Variants in MGAT4C observed in about 807,000 individuals in gnomAD.
MGAT4C encodes MGAT4 family member C.
A neutral mutation model predicts 40.1 loss-of-function variants in MGAT4C; 19 were observed. The observed-to-expected ratio is 0.47, with a 90% CI of 0.33 to 0.70. The LOEUF (loss-of-function observed/expected upper bound fraction) is 0.70, where lower values mean the gene tolerates loss of function less well. Among genes scored for constraint, MGAT4C ranks in the 30% least tolerant of loss-of-function variants. The pLI is 0.02. For missense variants in MGAT4C, 491 were observed against 563.2 expected, an observed-to-expected ratio of 0.87 and a Z score of 1.30; for synonymous variants, 181 against 187.1, an observed-to-expected ratio of 0.97 and a Z score of 0.27.
chr12:86,265,654 A>T (rs1952766761), intron 4 of MGAT4C, among the ~76,000 whole-genome samples: 1 of 152,066 alleles, frequency 6.6e-6, no homozygotes, highest in Non-Finnish European at 1.5e-5. Context: ...TTTTGGTTTC[A>T]TATACATTTT....
At position 86,775,436 on chromosome 12, in the gene MGAT4C, ATACT is replaced by A; in HGVS notation, c.-261-48199_-261-48196del. Among the ~76,000 whole-genome samples the A allele has an allele frequency of 1.3e-5, 2 of 150,696 alleles. 1 individual carries two copies. ...AAAATATTTATAAATAAATACATAT[ATACT>A]TATTTAATTATTTAAAAATTATGCT... On this transcript the variant is annotated intron_variant, in intron 1 of 7. Coordinates refer to the MGAT4C transcript ENST00000548651.
intron 3 of MGAT4C, among the ~76,000 whole-genome samples, chr12:86,404,496 G>A (rs889874930): frequency 4.6e-5 from 7 of 152,218 alleles, no homozygotes; most frequent in Non-Finnish European, 8.8e-5. Flanking sequence ...AAGAGGGAGG[G>A]AGAGGGAGAC....
At chr12:86,512,780 G>T (rs1958614349) in intron 2 of MGAT4C, among the ~76,000 whole-genome samples, 1 of 152,030 alleles carries the variant, frequency 6.6e-6, no homozygotes, top group African/African-American at 2.4e-5. Flanking sequence ...ATAAGAGGGA[G>T]AGGAATATAG....
At chr12:86,644,517 A>G (rs1403311394) in intron 2 of MGAT4C, among the ~76,000 whole-genome samples, 1 of 151,758 alleles carries the variant, frequency 6.6e-6, no homozygotes, top group Non-Finnish European at 1.5e-5. Context: ...TAATTGTATT[A>G]GAAAACTCTT....
intron 1 of MGAT4C, among the ~76,000 whole-genome samples, chr12:86,820,728 A>G (rs978980735): frequency 1.3e-5 from 2 of 150,952 alleles, no homozygotes; most frequent in Non-Finnish European, 3.0e-5. Context: ...GAGAGATACA[A>G]TATCTTGAAT....
intron 1 of MGAT4C, among the ~76,000 whole-genome samples, chr12:86,140,001 A>T (rs1371882050): frequency 1.3e-5 from 2 of 152,176 alleles, no homozygotes; most frequent in Non-Finnish European, 1.5e-5. Context: ...AAAGTTTAAC[A>T]TTGTTGAAGG....
intron 2 of MGAT4C, among the ~76,000 whole-genome samples, chr12:86,645,478 T>C (rs1963516104): frequency 6.6e-6 from 1 of 151,708 alleles, no homozygotes; most frequent in South Asian, 2.1e-4. Context: ...TAAAAATCAG[T>C]CACCTGTGTC....
At chr12:86,053,989 G>A (rs1893143297) in intron 1 of MGAT4C, among the ~76,000 whole-genome samples, 1 of 151,970 alleles carries the variant, frequency 6.6e-6, no homozygotes, top group African/African-American at 2.4e-5. Context: ...GTACACTGAT[G>A]GTGGGGATGT....
chr12:86,545,139 C>T (rs1441711666), intron 2 of MGAT4C, among the ~76,000 whole-genome samples: 1 of 151,916 alleles, frequency 6.6e-6, no homozygotes, highest in African/African-American at 2.4e-5. Flanking sequence ...TTACAGTATT[C>T]CTTTCAACAG....
intron 1 of MGAT4C, among the ~76,000 whole-genome samples, chr12:86,097,075 T>G (rs1874067993): frequency 6.6e-6 from 1 of 151,656 alleles, no homozygotes; most frequent in Admixed American, 6.6e-5. Flanking sequence ...ACTGTGAGCT[T>G]TCTTTCAAGT....
intron 2 of MGAT4C, among the ~76,000 whole-genome samples, chr12:86,662,595 A>G (rs908924953): frequency 1.3e-5 from 2 of 152,020 alleles, no homozygotes; most frequent in African/African-American, 4.8e-5. Flanking sequence ...ATTTTTTTTC[A>G]TGTCTCAGAT....
rs1204435479 is a variant in MGAT4C, at chr12:85,956,204, A to AT, written c.*23084dup. ...GTGGAACACAGTGAGAAGTATAATG[A>AT]TTTTTTCCTGAAAACCCTGTCTTTT... On this transcript the variant is annotated 3_prime_UTR_variant, in exon 5 of 5. Coordinates refer to ENST00000611864, the MANE Select transcript of MGAT4C (RefSeq NM_001351288.2). 8 of 152,338 alleles carry AT rather than the reference A, an allele frequency of 5.3e-5. No homozygotes were observed. The East Asian group carries it at 9.6e-4, about 18-fold the overall frequency. 9.4% of individuals were successfully genotyped at this position (152,338 alleles called of 1,614,324 possible). A position where few individuals can be genotyped will look rare whatever the true frequency, so the allele number is the denominator to read the frequency against.
chr12:86,724,817 A>T (rs547570576), intron 2 of MGAT4C, among the ~76,000 whole-genome samples: 36 of 152,210 alleles, frequency 2.4e-4, no homozygotes, highest in Non-Finnish European at 5.0e-4. Flanking sequence ...TTTTCCCAAC[A>T]TTACTGCACC....
intron 2 of MGAT4C, among the ~76,000 whole-genome samples, chr12:86,002,817 T>C (rs1342705273): frequency 6.6e-6 from 1 of 151,964 alleles, no homozygotes; most frequent in Non-Finnish European, 1.5e-5. Flanking sequence ...TTTTGTGTTT[T>C]AGAGACAGAT....
intron 1 of MGAT4C, among the ~76,000 whole-genome samples, chr12:86,110,562 A>G (rs1017896824): frequency 6.6e-6 from 1 of 151,158 alleles, no homozygotes; most frequent in East Asian, 2.0e-4. Flanking sequence ...CATTTTTAGG[A>G]CATTAAACAT....
At chr12:86,720,301 CT>C (rs11360810) in intron 2 of MGAT4C, among the ~76,000 whole-genome samples, 119,588 of 151,922 alleles carry the variant, frequency 0.79, 48,499 homozygotes, top group Middle Eastern at 0.89. Context: ...GCTGCATGAC[CT>C]TTTATAATCT....
chr12:86,646,914 G>A (rs1963556067), intron 2 of MGAT4C, among the ~76,000 whole-genome samples: 1 of 151,950 alleles, frequency 6.6e-6, no homozygotes, highest in African/African-American at 2.4e-5. Context: ...GCTAAATTTA[G>A]TTTGTACCGT....
intron 1 of MGAT4C, among the ~76,000 whole-genome samples, chr12:86,120,905 T>A (rs1358543748): frequency 6.6e-6 from 1 of 152,002 alleles, no homozygotes. Context: ...CTTTGACGAG[T>A]TGAGAGAAGG....
At chr12:86,370,047 T>C (rs926692304) in intron 3 of MGAT4C, among the ~76,000 whole-genome samples, 5 of 152,004 alleles carry the variant, frequency 3.3e-5, no homozygotes, top group African/African-American at 1.2e-4. Flanking sequence ...AAGAGGCATA[T>C]ACCATATATA....
Sources: allele counts gnomAD v4.1 joint callset (sites outside exome capture counted in the v4.1 genomes callset), GRCh38; gene constraint gnomAD v4.1.1; transcripts MANE v1.5; gene names NCBI Gene and HGNC (gene_info 2026-07-23, HGNC 2026-07-21).